Variants in DAB2IP observed in about 807,000 individuals in gnomAD.
DAB2IP encodes DAB2 interacting protein, also known as disabled homolog 2-interacting protein.
In DAB2IP, 28 loss-of-function variants were observed where a neutral mutation model predicts 107.2. The ratio of observed to expected loss-of-function variants is 0.26; its 90% confidence interval spans 0.19 to 0.36. The LOEUF is 0.36. DAB2IP is among the 10% of genes least tolerant of loss of function. The probability of loss-of-function intolerance (pLI) is 1.00; values close to 1 mark genes in which losing one functional copy is unlikely to be tolerated. For synonymous variants in DAB2IP, 755 were observed against 706.4 expected, an observed-to-expected ratio of 1.07 and a Z score of -1.09; for missense variants, 1,400 against 1,644.7, an observed-to-expected ratio of 0.85 and a Z score of 2.57.
chr9:121,737,591 C>A (rs1317862196), intron 3 of DAB2IP: 1 of 985,390 alleles, frequency 1.0e-6, no homozygotes, highest in Non-Finnish European at 1.2e-6. Context: ...GATCCTGGGC[C>A]GGGCCGGAGG....
intron 1 of DAB2IP, among the ~76,000 whole-genome samples, chr9:121,600,331 A>G (rs1008426477): frequency 4.6e-5 from 7 of 152,300 alleles, no homozygotes; most frequent in African/African-American, 1.2e-4. Context: ...GGGTCGTTGA[A>G]GTGAGGTCTC....
intron 3 of DAB2IP, chr9:121,742,875 GT>G: frequency 1.0e-6 from 1 of 985,470 alleles, no homozygotes; most frequent in Non-Finnish European, 1.2e-6. Flanking sequence ...ACCCCACAGG[GT>G]TCTGAGGCTC....
chr9:121,709,494 C>T (rs1421581085), intron 3 of DAB2IP, among the ~76,000 whole-genome samples: 1 of 152,154 alleles, frequency 6.6e-6, no homozygotes, highest in East Asian at 1.9e-4. Flanking sequence ...CTATTACTGT[C>T]CCCATTTTAC....
intron 3 of DAB2IP, among the ~76,000 whole-genome samples, chr9:121,731,646 G>A (rs1206671020): frequency 6.6e-6 from 1 of 152,150 alleles, no homozygotes; most frequent in African/African-American, 2.4e-5. Flanking sequence ...CTGGCCTCAC[G>A]GTCATCTCAG....
intron 10 of DAB2IP, among the ~76,000 whole-genome samples, chr9:121,769,307 G>A (rs1452987760): frequency 2.0e-5 from 3 of 152,222 alleles, no homozygotes; most frequent in African/African-American, 7.2e-5. Flanking sequence ...AGAGGTGACC[G>A]CTCAGAGCAC....
chr9:121,731,810 C>G (rs1376499929), intron 3 of DAB2IP, among the ~76,000 whole-genome samples: 1 of 152,016 alleles, frequency 6.6e-6, no homozygotes, highest in Admixed American at 6.6e-5. Flanking sequence ...CACTACCCCA[C>G]GATATTATTG....
intron 1 of DAB2IP, among the ~76,000 whole-genome samples, chr9:121,658,953 C>T (rs1833082252): frequency 6.6e-6 from 1 of 152,214 alleles, no homozygotes; most frequent in South Asian, 2.1e-4. Context: ...GCTTTTATTT[C>T]CCTCTTCTCT....
At chr9:121,718,521 C>T (rs533010005) in intron 3 of DAB2IP, among the ~76,000 whole-genome samples, 1 of 152,300 alleles carries the variant, frequency 6.6e-6, no homozygotes, top group East Asian at 1.9e-4. Flanking sequence ...ACCCACTCCC[C>T]TGAGCCACCA....
At chr9:121,584,646 G>A (rs776240553) in intron 1 of DAB2IP, among the ~76,000 whole-genome samples, 25 of 152,188 alleles carry the variant, frequency 1.6e-4, no homozygotes, top group Non-Finnish European at 3.5e-4. Flanking sequence ...TCAGGAATCT[G>A]AAAGTAGGTT....
intron 1 of DAB2IP, among the ~76,000 whole-genome samples, chr9:121,567,518 G>A (rs981097926): frequency 6.6e-6 from 1 of 152,224 alleles, no homozygotes; most frequent in Non-Finnish European, 1.5e-5. Flanking sequence ...GGAAAGGAAG[G>A]AAGTTTTGCA....
chr9:121,595,230 C>T (rs1830504136), intron 1 of DAB2IP, among the ~76,000 whole-genome samples: 1 of 151,770 alleles, frequency 6.6e-6, no homozygotes, highest in Non-Finnish European at 1.5e-5. Context: ...CACCATGACT[C>T]TCTGCACCTT....
chr9:121,714,528 G>T (rs1345589165), intron 3 of DAB2IP, among the ~76,000 whole-genome samples: 1 of 152,224 alleles, frequency 6.6e-6, no homozygotes, highest in African/African-American at 2.4e-5. Flanking sequence ...ATAGAGGCTG[G>T]ACTCAGGAGT....
At chr9:121,676,002 C>T (rs1037523236) in intron 1 of DAB2IP, among the ~76,000 whole-genome samples, 1 of 152,196 alleles carries the variant, frequency 6.6e-6, no homozygotes, top group African/African-American at 2.4e-5. Context: ...CAGGAAGCAC[C>T]GTGCGGGAAC....
chr9:121,687,372 C>G (rs767342921), intron 2 of DAB2IP, among the ~76,000 whole-genome samples: 5 of 152,174 alleles, frequency 3.3e-5, no homozygotes, highest in Admixed American at 1.3e-4. Flanking sequence ...AGAAAGGGCA[C>G]AGGGTGAGGT....
intron 3 of DAB2IP, among the ~76,000 whole-genome samples, chr9:121,729,584 C>T (rs763287676): frequency 2.0e-5 from 3 of 152,174 alleles, no homozygotes; most frequent in Admixed American, 6.5e-5. Flanking sequence ...TAGGCCTGGC[C>T]TCTCCATCAA....
At position 121,757,185 on chromosome 9, in the gene DAB2IP, G is replaced by C; in HGVS notation, c.516+19G>C. 3 of 1,610,468 alleles carry C rather than the reference G, an allele frequency of 1.9e-6. No individual in the cohort carries two copies. Among genetic ancestry groups the C allele is most frequent in the Non-Finnish European group, 2.5e-6 (3 of 1,177,658 alleles). On this transcript the variant is annotated intron_variant, in intron 4 of 15. Transcript: ENST00000408936. Reference sequence around the variant, plus strand: ...CTTCGAGGTGGGTCCCATCACAGGGGTTGGGGTGGACACCCCATCCTCTCC... The same window carrying C: ...CTTCGAGGTGGGTCCCATCACAGGGCTTGGGGTGGACACCCCATCCTCTCC...
intron 3 of DAB2IP, among the ~76,000 whole-genome samples, chr9:121,753,407 G>A (rs1159453285): frequency 6.6e-6 from 1 of 152,186 alleles, no homozygotes; most frequent in Non-Finnish European, 1.5e-5. Flanking sequence ...GGATGCCGTG[G>A]GCCATGCAAT....
In DAB2IP at chr9:121,712,099, G is replaced by T. The variant is rs527480550; in HGVS notation, c.362+12641G>T. On this transcript the variant is annotated intron_variant, in intron 3 of 15. Coordinates refer to ENST00000408936, the Ensembl canonical transcript of DAB2IP. The stretch of plus-strand genomic sequence containing the variant: ...TTGCCGGAGCTCTTCCAGGGGAGCC[G>T]ATGGTTCCTGGACTCCTCTGCTTTT... Among the ~76,000 whole-genome samples, 14 of 152,328 alleles carry T rather than the reference G, an allele frequency of 9.2e-5. No homozygotes were observed. The East Asian group carries it at 2.7e-3, about 29-fold the overall frequency.
chr9:121,609,499 C>T (rs1831013740), intron 1 of DAB2IP, among the ~76,000 whole-genome samples: 1 of 152,234 alleles, frequency 6.6e-6, no homozygotes, highest in African/African-American at 2.4e-5. Context: ...CTTCTCCAGG[C>T]ATCCTGCACT....
Sources: gnomAD v4.1 joint callset for allele counts (sites outside exome capture counted in the v4.1 genomes callset) on GRCh38, gnomAD v4.1.1 for gene constraint, MANE v1.5 for transcripts, NCBI Gene and HGNC (gene_info 2026-07-23, HGNC 2026-07-21) for gene names.